The following SERBP1 variants were observed in gnomAD, a reference collection of about 807,000 sequenced individuals.
The protein encoded by SERBP1 is SERPINE1 mRNA-binding protein 1.
SERBP1 carries 6 observed loss-of-function variants against 50.2 expected under a neutral mutation model. The ratio of observed to expected loss-of-function variants is 0.12; its 90% CI spans 0.07 to 0.24. SERBP1 has a LOEUF of 0.24. Among genes scored for constraint, SERBP1 ranks in the 10% least tolerant of loss-of-function variants. The pLI, the probability that SERBP1 is intolerant of heterozygous loss-of-function variation, is 1.00. For missense variants in SERBP1, 346 were observed against 524.9 expected (o/e 0.66, Z 3.33); for synonymous variants, 168 against 182.8 (o/e 0.92, Z 0.65).
chr1:67,419,625 A>G (rs935254883), intron 6 of SERBP1: 1 of 193,334 alleles, frequency 5.2e-6, no homozygotes, highest in East Asian at 1.7e-4. Context: ...ACCATATGAA[A>G]ATGTCAAGAT....
In SERBP1 at chr1:67,412,226, T is replaced by A. The variant is rs1441184547; in HGVS notation, c.*981A>T. 1 of 152,634 alleles carries A rather than the reference T, an allele frequency of 6.6e-6. No individual in the cohort carries two copies. Among genetic ancestry groups the A allele is most frequent in the Non-Finnish European group, 1.5e-5 (1 of 68,036 alleles). 9.5% of individuals were successfully genotyped at this position (152,634 alleles called of 1,614,324 possible). Reference sequence around the variant, plus strand: ...CTGATTATGGATGTACCATTTTGATTTTGGGACCTTTCACACACAGAAATC... The same window carrying A: ...CTGATTATGGATGTACCATTTTGATATTGGGACCTTTCACACACAGAAATC... On this transcript the variant is annotated 3_prime_UTR_variant, in exon 8 of 8. Coordinates refer to ENST00000361219, the MANE Select transcript of SERBP1 (RefSeq NM_001018069.2).
In SERBP1 at chr1:67,409,554, T is replaced by C. The variant is rs1666762019; in HGVS notation, c.*3653A>G. ...AAATCATGATGGCTTTAGCAATTTA[T>C]ATTCTAACCATTTCCTAAACTTAAG... On this transcript the variant is annotated 3_prime_UTR_variant, in exon 8 of 8. Transcript: ENST00000361219. 6.6e-6 allele frequency: 1 copy of C among 152,158 alleles called. No individual in the cohort carries two copies. The highest frequency in any genetic ancestry group is 2.1e-4 in the South Asian group (1 of 4,828). 9.4% of individuals were successfully genotyped at this position (152,158 alleles called of 1,614,324 possible).
At chr1:67,413,834 T>C (rs1666920246) in intron 7 of SERBP1, among the ~76,000 whole-genome samples, 1 of 151,928 alleles carries the variant, frequency 6.6e-6, no homozygotes, top group South Asian at 2.1e-4. Flanking sequence ...TTGGAGACAG[T>C]CTTACTCTGT....
rs1666804592 is a variant in SERBP1, at chr1:67,410,614, A to G, written c.*2593T>C. ...ATGCCTTAAAAATCTCAGGTCTGGC[A>G]TTACTTCCATTTAAACGCATCAAGA... On this transcript the variant is annotated 3_prime_UTR_variant, in exon 8 of 8. Transcript: ENST00000361219. 1 of 152,196 alleles carries G rather than the reference A, an allele frequency of 6.6e-6. No individual in the cohort carries two copies. The allele number at this position is 152,196 out of a possible 1,614,324, so 9.4% of individuals were successfully genotyped here.
Position 67,409,386 on chromosome 1 carries a change from G to A in SERBP1, c.*3821C>T. On this transcript the variant is annotated 3_prime_UTR_variant, in exon 8 of 8. Transcript: ENST00000361219. ...AAACCATTCTTAACTCAGGGACACG[G>A]ACACACACACACACACACACACACA... 8.8e-6 allele frequency: 1 copy of A among 114,176 alleles called. No individual in the cohort carries two copies. The highest frequency in any genetic ancestry group is 3.0e-4 in the East Asian group (1 of 3,286). The allele number at this position is 114,176 out of a possible 1,614,324, so 7.1% of individuals were successfully genotyped here. A position where few individuals can be genotyped will look rare whatever the true frequency, so the allele number is the denominator to read the frequency against.
rs1437849504 is a variant in SERBP1 at position 67,408,113 on chromosome 1, T to C, written c.*5094A>G. The C allele has an allele frequency of 6.6e-6, 1 of 152,168 alleles. No homozygotes were observed. The highest frequency in any genetic ancestry group is 1.9e-4 in the East Asian group (1 of 5,202). 9.4% of individuals were successfully genotyped at this position (152,168 alleles called of 1,614,324 possible). ...CAGTAATACATAAAAATCCTTAATATTAGCCCTTCACTTTCCATGCTTCCA... is the reference window on the plus strand; with the variant it reads ...CAGTAATACATAAAAATCCTTAATACTAGCCCTTCACTTTCCATGCTTCCA... On this transcript the variant is annotated 3_prime_UTR_variant, in exon 8 of 8. Coordinates refer to ENST00000361219, the MANE Select transcript of SERBP1 (RefSeq NM_001018069.2).
At chr1:67,420,298 G>T in intron 5 of SERBP1, 112 bp from the exon 6 acceptor site, 1 of 999,554 alleles carries the variant, frequency 1.0e-6, no homozygotes, top group Non-Finnish European at 1.5e-6. Context: ...TTTAGAGAAA[G>T]ATTATTCAAG....
chr1:67,420,165 T>G lies in SERBP1; in HGVS notation c.795A>C (p.Val265=). 1.2e-6 allele frequency: 2 copies of G among 1,611,812 alleles called. No homozygotes were observed. Among genetic ancestry groups the G allele is most frequent in the Middle Eastern group, 1.7e-4 (1 of 6,054 alleles). Residue 265 remains valine, a synonymous_variant, in exon 6 of 8, where the codon GTA becomes GTC. Transcript: ENST00000361219. The part of the protein sequence containing the change: ...TENKENEVEE[V]KEEGPKEMTL... ...TCATCTCTTTTGGACCCTCCTCTTT[T>G]ACCTCTTCAACTTCATTCTCCCTGT...
chr1:67,426,037 C>A, intron 2 of SERBP1, 98 bp downstream of exon 2: 1 of 998,924 alleles, frequency 1.0e-6, no homozygotes, highest in Non-Finnish European at 1.5e-6. Flanking sequence ...ATCATTTGAG[C>A]CCAGGAAGCA....
At chr1:67,426,052 C>T in intron 2 of SERBP1, 83 bp downstream of exon 2, 1 of 1,158,546 alleles carries the variant, frequency 8.6e-7, no homozygotes, top group Non-Finnish European at 1.2e-6. Context: ...GAAGCAGAGG[C>T]TGCAGTGAGC....
chr1:67,424,476 A>T (rs549566257), intron 4 of SERBP1, 199 bp from the exon 5 acceptor site: 397 of 606,544 alleles, frequency 6.5e-4, no homozygotes, highest in South Asian at 3.2e-3. Context: ...AATATAAACT[A>T]GTTAGTTCAT....
chr1:67,423,779 T>C (rs1667282436), intron 5 of SERBP1, among the ~76,000 whole-genome samples: 1 of 152,226 alleles, frequency 6.6e-6, no homozygotes, highest in Non-Finnish European at 1.5e-5. Flanking sequence ...TATCTCAAAG[T>C]AAAATTTGTA....
At position 67,430,347 on chromosome 1, in the gene SERBP1, G is replaced by A. The variant is rs776298414; in HGVS notation, c.-47C>T. On this transcript the variant is annotated 5_prime_UTR_variant, in exon 1 of 8. Coordinates refer to ENST00000361219, the MANE Select transcript of SERBP1 (RefSeq NM_001018069.2). ...TCCTCCACGGATTGCAGCGGGCCGCGCCGAGCCAAGAGCGCCTGCTTCAGC... is the reference window on the plus strand; with the variant it reads ...TCCTCCACGGATTGCAGCGGGCCGCACCGAGCCAAGAGCGCCTGCTTCAGC... 10 of 1,488,636 alleles carry A rather than the reference G, an allele frequency of 6.7e-6. No individual in the cohort carries two copies. Among genetic ancestry groups the A allele is most frequent in the Middle Eastern group, 2.4e-4 (1 of 4,090 alleles). The allele number at this position is 1,488,636 out of a possible 1,614,324, so 92.2% of individuals were successfully genotyped here.
At chr1:67,424,661 C>T (rs1667310802) in intron 4 of SERBP1, among the ~76,000 whole-genome samples, 1 of 133,658 alleles carries the variant, frequency 7.5e-6, no homozygotes, top group African/African-American at 2.5e-5. Context: ...GGAAAAGCTA[C>T]AAATACATAT....
chr1:67,428,960 T>G (rs1667475989), intron 1 of SERBP1, among the ~76,000 whole-genome samples: 1 of 152,204 alleles, frequency 6.6e-6, no homozygotes, highest in African/African-American at 2.4e-5. Flanking sequence ...ATCATGCACG[T>G]TCTTATCTCC....
At chr1:67,425,648 T>C (rs1176569989) in intron 2 of SERBP1, among the ~76,000 whole-genome samples, 1 of 152,214 alleles carries the variant, frequency 6.6e-6, no homozygotes, top group Non-Finnish European at 1.5e-5. Flanking sequence ...AAAAAGAAAT[T>C]GGTTATCAAT....
intron 6 of SERBP1, among the ~76,000 whole-genome samples, chr1:67,417,984 T>G (rs1251014393): frequency 2.8e-5 from 4 of 141,116 alleles, no homozygotes; most frequent in Admixed American, 7.1e-5. Context: ...TTTTTTTTTT[T>G]TTTTTTTTTT....
intron 6 of SERBP1, among the ~76,000 whole-genome samples, chr1:67,418,758 CAA>C (rs59436949): frequency 8.1e-5 from 12 of 147,836 alleles, no homozygotes; most frequent in Non-Finnish European, 1.3e-4. Flanking sequence ...GATTCTGTCT[CAA>C]AAAAAAAAAA....
chr1:67,416,947 T>A (rs1039522085), intron 6 of SERBP1, among the ~76,000 whole-genome samples: 4 of 152,082 alleles, frequency 2.6e-5, no homozygotes, highest in Admixed American at 2.0e-4. Flanking sequence ...CAGAAAAAAA[T>A]AAAACCAACC....
Sources: gnomAD v4.1 joint callset for allele counts (sites outside exome capture counted in the v4.1 genomes callset) on GRCh38, gnomAD v4.1.1 for gene constraint, MANE v1.5 for transcripts, NCBI Gene and HGNC (gene_info 2026-07-23, HGNC 2026-07-21) for gene names.